The following MED17 variants were observed in gnomAD, a reference collection of about 807,000 sequenced individuals.
The protein encoded by MED17 is mediator of RNA polymerase II transcription subunit 17.
MED17 carries 49 observed loss-of-function variants against 80.8 expected under a neutral mutation model. That is an observed-to-expected ratio of 0.61 (90% CI 0.48 to 0.77). The LOEUF (loss-of-function observed/expected upper bound fraction) is 0.77, where lower values mean the gene tolerates loss of function less well. MED17 is among the 30% of genes least tolerant of loss of function. The probability of loss-of-function intolerance (pLI) is 0.00; values close to 1 mark genes in which losing one functional copy is unlikely to be tolerated. For synonymous variants in MED17, 281 were observed against 280.4 expected (o/e 1.00, Z -0.02); for missense variants, 718 against 787.0 (o/e 0.91, Z 1.05).
At chr11:93,806,021 C>T (rs963332627) in intron 9 of MED17, 6 of 122,086 alleles carry the variant, frequency 4.9e-5, no homozygotes, top group East Asian at 2.7e-4. Context: ...TTTGCTCTGT[C>T]GCCAGATCGG....
intron 1 of MED17, among the ~76,000 whole-genome samples, chr11:93,785,864 C>T (rs78649131): frequency 3.9e-5 from 6 of 152,104 alleles, no homozygotes; most frequent in South Asian, 4.2e-4. Context: ...ATTAGCTGGG[C>T]GTGGTGGTGC....
Position 93,784,943 on chromosome 11 carries a change from G to T in MED17, c.250+180G>T, listed in dbSNP as rs562837619. 3.5e-6 allele frequency: 3 copies of T among 863,386 alleles called. No individual in the cohort carries two copies. The Admixed American group carries it at 8.5e-5, about 24-fold the overall frequency. The allele number at this position is 863,386 out of a possible 1,614,324, so 53.5% of individuals were successfully genotyped here. A position where few individuals can be genotyped will look rare whatever the true frequency, so the allele number is the denominator to read the frequency against. On this transcript the variant is annotated intron_variant, in intron 1 of 11. Transcript: ENST00000251871. Reference sequence around the variant, plus strand: ...GTTGCTGCCGGACAAGGTAGGACACGACTTTACGTAATACTCCTGCGGGTC... The same window carrying T: ...GTTGCTGCCGGACAAGGTAGGACACTACTTTACGTAATACTCCTGCGGGTC...
At chr11:93,794,315 C>T (rs1943877783) in intron 5 of MED17, 5 of 330,240 alleles carry the variant, frequency 1.5e-5, no homozygotes, top group South Asian at 1.4e-4. Flanking sequence ...AGCGATTCTC[C>T]TGCCTCAGCC....
rs965692346 is a variant in MED17 at position 93,812,509 on chromosome 11, G to A, written c.*445G>A. 1 of 240,648 alleles carries A rather than the reference G, an allele frequency of 4.2e-6. No homozygotes were observed. The highest frequency in any genetic ancestry group is 2.3e-5 in the African/African-American group (1 of 43,790). 14.9% of individuals were successfully genotyped at this position (240,648 alleles called of 1,614,324 possible). A position where few individuals can be genotyped will look rare whatever the true frequency, so the allele number is the denominator to read the frequency against. On this transcript the variant is annotated 3_prime_UTR_variant, in exon 12 of 12. Transcript: ENST00000251871. ...TCTGGAGTGCAGTGGTGTGATCATGGTTCACTGCAGTCTTGACCTCCCAGG... is the reference window on the plus strand; with the variant it reads ...TCTGGAGTGCAGTGGTGTGATCATGATTCACTGCAGTCTTGACCTCCCAGG...
chr11:93,795,582 C>T (rs1943891364), intron 6 of MED17: 1 of 153,398 alleles, frequency 6.5e-6, no homozygotes, highest in African/African-American at 2.4e-5. Flanking sequence ...AAAGAGTTTA[C>T]TCGTAATAGT....
Position 93,794,028 on chromosome 11 carries a change from C to G in MED17, c.852C>G (p.Ser284=). 6.2e-7 allele frequency: 1 copy of G among 1,612,136 alleles called. No individual in the cohort carries two copies. The highest frequency in any genetic ancestry group is 8.5e-7 in the Non-Finnish European group (1 of 1,178,324). ...TCTTCAAACGACCTTTGCCCAAATCCAAACCAGGTATGGTTATGTTCTATT... is the reference window on the plus strand; with the variant it reads ...TCTTCAAACGACCTTTGCCCAAATCGAAACCAGGTATGGTTATGTTCTATT... ...VNLFKRPLPK[S]KPGSPHWQTK... is the part of the protein sequence containing the mutation. The change falls in exon 5 of 12, where the codon TCC becomes TCG. Residue 284 remains serine (S), a synonymous_variant. Coordinates refer to ENST00000251871, the MANE Select transcript of MED17 (RefSeq NM_004268.5).
rs1488287739 is a variant in MED17 at position 93,797,518 on chromosome 11, A to G, written c.1144-17A>G. ...TACTATGTGGATATTGGTATTTAAA[A>G]TGGCTGTTTTTGTTAGTTTCATAAA... On this transcript the variant is annotated splice_polypyrimidine_tract_variant and intron_variant, in intron 7 of 11. Coordinates refer to ENST00000251871, the MANE Select transcript of MED17 (RefSeq NM_004268.5). The G allele has an allele frequency of 1.4e-5, 23 of 1,610,806 alleles. No individual in the cohort carries two copies. Among genetic ancestry groups the G allele is most frequent in the Non-Finnish European group, 2.0e-5 (23 of 1,177,072 alleles).
intron 8 of MED17, chr11:93,800,580 G>C (rs897068790): frequency 6.7e-5 from 10 of 149,304 alleles, no homozygotes; most frequent in African/African-American, 2.5e-4. Context: ...AGTGAGCTGA[G>C]ATTGCACCAC....
intron 1 of MED17, among the ~76,000 whole-genome samples, chr11:93,787,386 C>T (rs1349815146): frequency 6.6e-6 from 1 of 151,616 alleles, no homozygotes; most frequent in Non-Finnish European, 1.5e-5. Context: ...GCACTCCAGC[C>T]TGGGTGACAG....
chr11:93,800,712 C>T (rs980242054), intron 8 of MED17: 10 of 151,970 alleles, frequency 6.6e-5, no homozygotes, highest in African/African-American at 2.4e-4. Flanking sequence ...TCATAGCTCA[C>T]TGTAACCTGG....
chr11:93,797,641 AAATT>A lies in MED17; in HGVS notation c.1255_1258del (p.Asn419HisfsTer12). On this transcript the variant is annotated frameshift_variant, in exon 8 of 12. Transcript: ENST00000251871. LOFTEE classifies it high-confidence loss of function. ...GGTCCTCAAGCTTTTGATAAAAATG[AAATT>A]AATTCATTACAGTCCAGTGAAGGGC... The A allele has an allele frequency of 6.2e-7, 1 of 1,614,028 alleles. No homozygotes were observed. Among genetic ancestry groups the A allele is most frequent in the South Asian group, 1.1e-5 (1 of 91,082 alleles).
intron 10 of MED17, chr11:93,809,312 A>C: frequency 3.1e-6 from 1 of 322,904 alleles, no homozygotes. Flanking sequence ...CCATTACCTG[A>C]ACCCAGCCCA....
intron 4 of MED17, 35 bp downstream of exon 4, chr11:93,793,899 C>A (rs752845171): frequency 1.9e-6 from 3 of 1,612,824 alleles, no homozygotes; most frequent in Non-Finnish European, 2.5e-6. Context: ...TAATTTCTTA[C>A]GAATAGCCTG....
chr11:93,786,654 G>A (rs1396052481), intron 1 of MED17, among the ~76,000 whole-genome samples: 1 of 152,060 alleles, frequency 6.6e-6, no homozygotes. Context: ...TTTTAGTAGA[G>A]ATAGAGTTTC....
chr11:93,800,260 C>T (rs1458266177), intron 8 of MED17, among the ~76,000 whole-genome samples: 1 of 152,120 alleles, frequency 6.6e-6, no homozygotes, highest in Non-Finnish European at 1.5e-5. Context: ...GTAAAAGCCC[C>T]TTGTCCCCAC....
intron 1 of MED17, among the ~76,000 whole-genome samples, chr11:93,786,811 G>A (rs1035374098): frequency 4.6e-5 from 7 of 152,002 alleles, no homozygotes; most frequent in Admixed American, 2.0e-4. Context: ...CTATTACCAC[G>A]ACTAAAAATT....
At chr11:93,804,229 G>A (rs1472060688) in intron 9 of MED17, among the ~76,000 whole-genome samples, 1 of 151,846 alleles carries the variant, frequency 6.6e-6, no homozygotes, top group Admixed American at 6.6e-5. Context: ...TGTAGGCTGG[G>A]AGGCTAGGCC....
chr11:93,787,806 T>A (rs1022381852), intron 1 of MED17, among the ~76,000 whole-genome samples, 195 bp from the exon 2 acceptor site: 5 of 152,252 alleles, frequency 3.3e-5, no homozygotes, highest in Admixed American at 1.3e-4. Context: ...CATATTCATT[T>A]TGCGATTGTA....
rs141529021 is a variant in MED17, at chr11:93,795,059, G to A, written c.1011G>A (p.Pro337=). The part of the protein sequence containing the change: ...VKNQIISQPF[P]SLQLSISLCH... Reference sequence around the variant, plus strand: ...ACCAGATTATCTCTCAGCCCTTTCCGAGTAAGAGCAGCCCTTTTTCGACTT... The same window carrying A: ...ACCAGATTATCTCTCAGCCCTTTCCAAGTAAGAGCAGCCCTTTTTCGACTT... Residue 337 remains proline (P), a splice_region_variant and synonymous_variant, in exon 6 of 12, where the codon CCG becomes CCA. Transcript: ENST00000251871. 1,730 of 1,614,074 alleles carry A rather than the reference G, an allele frequency of 1.1e-3. 5 individuals are homozygous for A. Among genetic ancestry groups the A allele is most frequent in the Admixed American group, 2.6e-3 (155 of 60,020 alleles).
Sources: gnomAD v4.1 joint callset for allele counts (sites outside exome capture counted in the v4.1 genomes callset) on GRCh38, gnomAD v4.1.1 for gene constraint, MANE v1.5 for transcripts, NCBI Gene and HGNC (gene_info 2026-07-23, HGNC 2026-07-21) for gene names.